The following TMEM217 variants were observed in gnomAD, a reference collection of about 807,000 sequenced individuals.
TMEM217 encodes the protein chromosome 6 open reading frame 128.
For missense variants in TMEM217, 204 were observed against 248.8 expected, an observed-to-expected ratio of 0.82 and a Z score of 1.21; for synonymous variants, 76 against 88.3, an observed-to-expected ratio of 0.86 and a Z score of 0.78.
chr6:37,221,675 T>C (rs1401550863), intron 1 of TMEM217, among the ~76,000 whole-genome samples: 1 of 152,212 alleles, frequency 6.6e-6, no homozygotes, highest in Non-Finnish European at 1.5e-5. Flanking sequence ...ACAGGATCTC[T>C]GGGGTGTCAA....
At chr6:37,257,859 G>A in exon 1 of TMEM217, 1 of 1,580,326 alleles carries the variant, frequency 6.3e-7, no homozygotes, top group Non-Finnish European at 8.6e-7. Context: ...GCGGGGTCTG[G>A]GGGCATCTCG....
At chr6:37,235,707 T>G (rs572792139) in intron 1 of TMEM217, among the ~76,000 whole-genome samples, 1 of 152,266 alleles carries the variant, frequency 6.6e-6, no homozygotes, top group South Asian at 2.1e-4. Flanking sequence ...AAGTCCAAGA[T>G]CAAGGCACTG....
chr6:37,256,755 G>T (rs1765764929), intron 1 of TMEM217, among the ~76,000 whole-genome samples: 1 of 134,804 alleles, frequency 7.4e-6, no homozygotes, highest in Admixed American at 7.5e-5. Context: ...TGGGGGTGGG[G>T]GTGGGGGACA....
At chr6:37,240,655 T>C (rs1252432291) in intron 1 of TMEM217, among the ~76,000 whole-genome samples, 1 of 152,172 alleles carries the variant, frequency 6.6e-6, no homozygotes, top group Non-Finnish European at 1.5e-5. Flanking sequence ...AGGCCAGGAT[T>C]ATTGAGGCAA....
At chr6:37,226,981 AT>A (rs1763877961) in intron 1 of TMEM217, among the ~76,000 whole-genome samples, 1 of 152,232 alleles carries the variant, frequency 6.6e-6, no homozygotes, top group African/African-American at 2.4e-5. Context: ...TATAACAATC[AT>A]TTTCATAGCT....
downstream of TMEM217, chr6:37,215,161 A>G (rs370017329): frequency 1.1e-5 from 17 of 1,605,742 alleles, no homozygotes; most frequent in Non-Finnish European, 1.4e-5. Context: ...GCCGCTAGCC[A>G]AGGTCCTCTG....
At chr6:37,228,568 G>A (rs1763972183) in intron 1 of TMEM217, among the ~76,000 whole-genome samples, 1 of 152,234 alleles carries the variant, frequency 6.6e-6, no homozygotes, top group Non-Finnish European at 1.5e-5. Context: ...GCCAGACGTG[G>A]TGGCATGTGC....
At chr6:37,235,805 G>A (rs1261276283) in intron 1 of TMEM217, among the ~76,000 whole-genome samples, 1 of 152,096 alleles carries the variant, frequency 6.6e-6, no homozygotes, top group East Asian at 1.9e-4. Context: ...GAAGGGCAAG[G>A]GGACCTAAAC....
At chr6:37,221,319 T>G (rs951491717) in intron 1 of TMEM217, among the ~76,000 whole-genome samples, 2 of 152,070 alleles carry the variant, frequency 1.3e-5, no homozygotes, top group Non-Finnish European at 2.9e-5. Context: ...CCCAAGTAGC[T>G]GGGACTACAG....
chr6:37,216,930 C>T (rs1406924187), downstream of TMEM217, among the ~76,000 whole-genome samples: 1 of 152,192 alleles, frequency 6.6e-6, no homozygotes, highest in Non-Finnish European at 1.5e-5. Context: ...ACCAAACCTA[C>T]TGGCACCTTG....
At chr6:37,225,220 C>T (rs986942258) in intron 1 of TMEM217, among the ~76,000 whole-genome samples, 6 of 151,918 alleles carry the variant, frequency 3.9e-5, no homozygotes, top group Admixed American at 2.6e-4. Flanking sequence ...AAAAAAATTA[C>T]CAAAAGTAAG....
At chr6:37,223,799 C>A (rs1421470602) in intron 1 of TMEM217, among the ~76,000 whole-genome samples, 1 of 152,032 alleles carries the variant, frequency 6.6e-6, no homozygotes, top group African/African-American at 2.4e-5. Context: ...TGAGCCACTG[C>A]ACCTAGCCCA....
intron 1 of TMEM217, among the ~76,000 whole-genome samples, chr6:37,238,794 T>A (rs1764617013): frequency 6.6e-6 from 1 of 152,220 alleles, no homozygotes; most frequent in Non-Finnish European, 1.5e-5. Flanking sequence ...TGGTTACTCT[T>A]GAGGTTGAGT....
chr6:37,247,266 C>T (rs1020052679), intron 1 of TMEM217, among the ~76,000 whole-genome samples: 1 of 152,126 alleles, frequency 6.6e-6, no homozygotes, highest in Non-Finnish European at 1.5e-5. Context: ...CTCCAAGAAG[C>T]TGACCCTGAG....
rs1481117413 is a variant in TMEM217, at chr6:37,218,898, T to C, written c.133A>G (p.Ile45Val). Residue 45 changes from isoleucine to valine, a missense_variant, in exon 2 of 2, where the codon ATC becomes GTC. Physicochemically the swap from Ile to Val is conservative, Grantham distance 29. Coordinates refer to ENST00000357219, the Ensembl canonical transcript of TMEM217. ...CTTGCACCCCTGTACTTTGGTGTGA[T>C]CTCAGTGCAACTGCCATTCCCTAGG... 2.5e-6 allele frequency: 4 copies of C among 1,614,008 alleles called. No individual in the cohort carries two copies. In the Admixed American group the frequency reaches 5.0e-5, roughly 20 times the overall value.
At chr6:37,218,766 G>C in exon 2 of TMEM217, 1 of 1,614,128 alleles carries the variant, frequency 6.2e-7, no homozygotes, top group Non-Finnish European at 8.5e-7. Flanking sequence ...CTGAAGATCT[G>C]GGCATACACT....
At chr6:37,214,654 C>T (rs965008286), downstream of TMEM217, among the ~76,000 whole-genome samples, 1 of 152,228 alleles carries the variant, frequency 6.6e-6, no homozygotes, top group Non-Finnish European at 1.5e-5. Context: ...TTTGCCTGCT[C>T]TAGGTGTCTC....
At chr6:37,220,384 G>T (rs544224387) in intron 1 of TMEM217, among the ~76,000 whole-genome samples, 1 of 152,282 alleles carries the variant, frequency 6.6e-6, no homozygotes, top group African/African-American at 2.4e-5. Context: ...TCCTATATTA[G>T]TTGTGAGCAT....
chr6:37,256,603 A>C (rs915260779), intron 1 of TMEM217, among the ~76,000 whole-genome samples: 5 of 152,218 alleles, frequency 3.3e-5, no homozygotes, highest in African/African-American at 1.2e-4. Flanking sequence ...TAGGGGACAA[A>C]AGAAGCTTGA....
Sources: allele counts gnomAD v4.1 joint callset (sites outside exome capture counted in the v4.1 genomes callset), GRCh38; gene constraint gnomAD v4.1.1; transcripts MANE v1.5; gene names NCBI Gene and HGNC (gene_info 2026-07-23, HGNC 2026-07-21).